The following PAX7 variants were observed in gnomAD, a reference collection of about 807,000 sequenced individuals.
PAX7 encodes the protein paired box protein Pax-7.
In PAX7, 18 loss-of-function variants were observed where a neutral mutation model predicts 50.7. The observed-to-expected ratio is 0.36, with a 90% CI of 0.25 to 0.53. The LOEUF (loss-of-function observed/expected upper bound fraction) is 0.53. Among genes scored for constraint, PAX7 ranks in the 20% least tolerant of loss-of-function variants. The pLI, the probability that PAX7 is intolerant of heterozygous loss-of-function variation, is 0.93. For missense variants in PAX7, 644 were observed against 702.9 expected (o/e 0.92, Z 0.95); for synonymous variants, 310 against 290.4 (o/e 1.07, Z -0.69).
chr1:18,733,588 G>T (rs137986681), intron 7 of PAX7, among the ~76,000 whole-genome samples: 103 of 152,248 alleles, frequency 6.8e-4, no homozygotes, highest in African/African-American at 2.4e-3. Context: ...AGAGGGAAAA[G>T]GTGGAGGAGG....
intron 4 of PAX7, among the ~76,000 whole-genome samples, chr1:18,663,582 C>A (rs1478716544): frequency 6.6e-6 from 1 of 152,184 alleles, no homozygotes; most frequent in Non-Finnish European, 1.5e-5. Flanking sequence ...GGGGTTTCGC[C>A]ATGTTGGCCA....
chr1:18,651,339 T>A (rs1303775784), intron 4 of PAX7, among the ~76,000 whole-genome samples: 2 of 152,178 alleles, frequency 1.3e-5, no homozygotes, highest in African/African-American at 4.8e-5. Context: ...ATGCATATAT[T>A]TTTATAGGTT....
At chr1:18,717,667 C>T (rs538408715) in intron 7 of PAX7, among the ~76,000 whole-genome samples, 1 of 152,320 alleles carries the variant, frequency 6.6e-6, no homozygotes, top group African/African-American at 2.4e-5. Flanking sequence ...GGACCCTAGG[C>T]TCTTGGCGTG....
chr1:18,730,822 G>A (rs1462102715), intron 7 of PAX7, among the ~76,000 whole-genome samples: 2 of 152,192 alleles, frequency 1.3e-5, no homozygotes, highest in Non-Finnish European at 2.9e-5. Context: ...CCCAGCAGAC[G>A]GAAGGGAGGG....
intron 4 of PAX7, among the ~76,000 whole-genome samples, chr1:18,685,799 G>A (rs757295319): frequency 2.6e-5 from 4 of 152,218 alleles, no homozygotes; most frequent in African/African-American, 4.8e-5. Flanking sequence ...CTGGCAGTCA[G>A]TGATGGCTTC....
At chr1:18,676,917 AG>A (rs151200586) in intron 4 of PAX7, among the ~76,000 whole-genome samples, 34 of 152,214 alleles carry the variant, frequency 2.2e-4, no homozygotes, top group African/African-American at 7.5e-4. Context: ...CCTTGGTTTT[AG>A]GGGTAGGGAA....
rs906612502 is a variant in PAX7, at chr1:18,636,534, C to A, written c.586+163C>A. ...GGAGCCGCTCAGGCTTTGCCGACAGCGCCCCCTCGGTGCGCACCCCGGATG... is the reference window on the plus strand; with the variant it reads ...GGAGCCGCTCAGGCTTTGCCGACAGAGCCCCCTCGGTGCGCACCCCGGATG... On this transcript the variant is annotated intron_variant, in intron 4 of 8. Coordinates refer to ENST00000420770, the MANE Select transcript of PAX7 (RefSeq NM_001135254.2). This position sits in a 1 kb window ranked among gnomAD's most constrained non-coding sequence, Gnocchi z 5.1. Among the ~76,000 whole-genome samples the A allele has an allele frequency of 3.3e-5, 5 of 152,328 alleles. No individual in the cohort carries two copies. Among genetic ancestry groups the A allele is most frequent in the Non-Finnish European group, 5.9e-5 (4 of 68,040 alleles).
chr1:18,635,529 A>AAG (rs1553133206), intron 3 of PAX7, among the ~76,000 whole-genome samples: 4 of 49,120 alleles, frequency 8.1e-5, no homozygotes, highest in African/African-American at 3.5e-4. Flanking sequence ...AAGGAAGGAA[A>AAG]GAAGGAAGGA....
At chr1:18,734,739 C>T (rs2089690206) in intron 7 of PAX7, among the ~76,000 whole-genome samples, 1 of 152,168 alleles carries the variant, frequency 6.6e-6, no homozygotes, top group Non-Finnish European at 1.5e-5. Context: ...CAGACCCTTC[C>T]TCCTCCTCTC....
intron 5 of PAX7, among the ~76,000 whole-genome samples, chr1:18,695,220 G>A (rs199854222): frequency 1.2e-4 from 15 of 122,590 alleles, no homozygotes; most frequent in East Asian, 4.8e-4. Context: ...AAAAAAAAAA[G>A]AAAAAAAAAG....
chr1:18,699,081 C>G (rs1261148047), intron 5 of PAX7, among the ~76,000 whole-genome samples: 1 of 152,204 alleles, frequency 6.6e-6, no homozygotes, highest in Non-Finnish European at 1.5e-5. Context: ...CCAATCCTGC[C>G]TCCCCTTGTT....
intron 5 of PAX7, among the ~76,000 whole-genome samples, chr1:18,692,876 C>T (rs1316540860): frequency 3.3e-5 from 5 of 152,118 alleles, no homozygotes; most frequent in East Asian, 1.9e-4. Flanking sequence ...AGGACTGCCC[C>T]GCCTGCTCTC....
intron 4 of PAX7, among the ~76,000 whole-genome samples, chr1:18,686,837 T>TC (rs2088982690): frequency 1.3e-5 from 2 of 152,096 alleles, no homozygotes; most frequent in Non-Finnish European, 2.9e-5. Context: ...GTAATAGCCT[T>TC]CATGGGTCCT....
At position 18,745,152 on chromosome 1, in the gene PAX7, A is replaced by G; in HGVS notation, c.*223A>G. 1 of 561,690 alleles carries G rather than the reference A, an allele frequency of 1.8e-6. No individual in the cohort carries two copies. The highest frequency in any genetic ancestry group is 3.2e-6 in the Non-Finnish European group (1 of 314,486). The allele number at this position is 561,690 out of a possible 1,614,324, so 34.8% of individuals were successfully genotyped here. A position where few individuals can be genotyped will look rare whatever the true frequency, so the allele number is the denominator to read the frequency against. ...TTGGAGTCTGCTCCCCACTTTCCCCAAGGAGGGTTTCTGGTCAGCCTGAGG... is the reference window on the plus strand; with the variant it reads ...TTGGAGTCTGCTCCCCACTTTCCCCGAGGAGGGTTTCTGGTCAGCCTGAGG... On this transcript the variant is annotated 3_prime_UTR_variant, in exon 9 of 9. Transcript: ENST00000420770.
intron 7 of PAX7, among the ~76,000 whole-genome samples, chr1:18,734,623 G>A (rs981662563): frequency 6.6e-6 from 1 of 152,124 alleles, no homozygotes; most frequent in Admixed American, 6.5e-5. Context: ...TTCCCAGACT[G>A]CCAAGGATGA....
intron 4 of PAX7, among the ~76,000 whole-genome samples, chr1:18,678,313 C>G (rs1409038494): frequency 6.6e-6 from 1 of 151,528 alleles, no homozygotes; most frequent in Non-Finnish European, 1.5e-5. Flanking sequence ...ACAGGAGAAT[C>G]GCTTGAACCC....
chr1:18,708,828 C>A (rs2089315240), intron 7 of PAX7, among the ~76,000 whole-genome samples: 1 of 152,082 alleles, frequency 6.6e-6, no homozygotes, highest in Non-Finnish European at 1.5e-5. Flanking sequence ...AAACCCTCAT[C>A]CTTAGATGCC....
At position 18,636,561 on chromosome 1, in the gene PAX7, C is replaced by G. The variant is rs1432988978; in HGVS notation, c.586+190C>G. The stretch of plus-strand genomic sequence containing the variant: ...CCCCCTCGGTGCGCACCCCGGATGC[C>G]GGCTAGATGCGAAGCCCGCGCCTTC... On this transcript the variant is annotated intron_variant, in intron 4 of 8. Coordinates refer to ENST00000420770, the MANE Select transcript of PAX7 (RefSeq NM_001135254.2). This position sits in a 1 kb window ranked among gnomAD's most constrained non-coding sequence, Gnocchi z 5.1. Among the ~76,000 whole-genome samples, 1 of 152,232 alleles carries G rather than the reference C, an allele frequency of 6.6e-6. No individual in the cohort carries two copies. The highest frequency in any genetic ancestry group is 1.5e-5 in the Non-Finnish European group (1 of 68,046).
At position 18,710,436 on chromosome 1, in the gene PAX7, T is replaced by G. The variant is rs139628682; in HGVS notation, c.1155+7140T>G. Among the ~76,000 whole-genome samples the G allele has an allele frequency of 1.4e-4, 22 of 152,054 alleles. No individual in the cohort carries two copies. In the East Asian group the frequency reaches 4.1e-3, roughly 28 times the overall value. ...TTCATTGGCGACACTGCGTTTATAA[T>G]AGGCATTTAAAATGAGTCTTGCTGG... On this transcript the variant is annotated intron_variant, in intron 7 of 8. Transcript: ENST00000420770.
Sources: gnomAD v4.1 joint callset for allele counts (sites outside exome capture counted in the v4.1 genomes callset) on GRCh38, gnomAD v4.1.1 for gene constraint, Gnocchi (gnomAD v3.1) non-coding constraint, MANE v1.5 for transcripts, NCBI Gene and HGNC (gene_info 2026-07-23, HGNC 2026-07-21) for gene names.